DIAPH2: variants seen among roughly 807,000 people sequenced by gnomAD.
DIAPH2 encodes protein diaphanous homolog 2.
In DIAPH2, 35 loss-of-function variants were observed where a neutral mutation model predicts 92.7. That is an observed-to-expected ratio of 0.38 (90% CI 0.29 to 0.50). The LOEUF is 0.50. Ranked by LOEUF, DIAPH2 falls within the 20% of genes least tolerant of loss-of-function variation. The pLI is 0.94. For synonymous variants in DIAPH2, 301 were observed against 280.4 expected (o/e 1.07, Z -0.73); for missense variants, 701 against 819.5 (o/e 0.86, Z 1.77).
intron 24 of DIAPH2, among the ~76,000 whole-genome samples, chrX:97,374,586 T>C (rs186573751): frequency 1.8e-5 from 2 of 112,241 alleles, no homozygotes; most frequent in East Asian, 5.6e-4. Flanking sequence ...AGAAAAAGTT[T>C]AGCAGTATTA....
intron 17 of DIAPH2, among the ~76,000 whole-genome samples, chrX:96,993,682 G>A (rs946726940): frequency 2.8e-4 from 31 of 111,484 alleles, no homozygotes; most frequent in Non-Finnish European, 5.1e-4. Context: ...ATTTGGGTGG[G>A]GACTCAGAAC....
At chrX:97,129,819 A>G (rs921439849) in intron 21 of DIAPH2, among the ~76,000 whole-genome samples, 2 of 111,516 alleles carry the variant, frequency 1.8e-5, no homozygotes, top group Non-Finnish European at 3.8e-5. Context: ...AGTGAAAAAA[A>G]GGCAACCCAC....
At chrX:97,424,915 G>A (rs1217622343) in intron 25 of DIAPH2, among the ~76,000 whole-genome samples, 1 of 111,801 alleles carries the variant, frequency 8.9e-6, no homozygotes, top group African/African-American at 3.3e-5. Context: ...ATGAGCCACT[G>A]CACCCAGCCT....
At chrX:96,915,712 A>AT (rs2065498821) in intron 7 of DIAPH2, among the ~76,000 whole-genome samples, 1 of 112,048 alleles carries the variant, frequency 8.9e-6, no homozygotes, top group Admixed American at 9.4e-5. Context: ...TGCTTTCTTA[A>AT]TGTAATGAAA....
chrX:96,974,424 A>G (rs1042055946), intron 17 of DIAPH2, among the ~76,000 whole-genome samples: 4 of 111,590 alleles, frequency 3.6e-5, no homozygotes, highest in African/African-American at 9.8e-5. Flanking sequence ...AGTAAATATC[A>G]GTAGACTAGG....
chrX:97,453,760 A>G (rs1332774114), intron 26 of DIAPH2, among the ~76,000 whole-genome samples: 1 of 112,047 alleles, frequency 8.9e-6, no homozygotes, highest in Non-Finnish European at 1.9e-5. Flanking sequence ...GGGAACACAG[A>G]TAAGTAAGTA....
rs867621199 is a variant in DIAPH2 at position 97,129,130 on chromosome X, T to C, written c.2590-12535T>C. Reference sequence around the variant, plus strand: ...TCTTTTCTTTTCTTTTCTTTTCTTTTCTTTTCTTTTCTTTTCTTTCTTTTC... The same window carrying C: ...TCTTTTCTTTTCTTTTCTTTTCTTTCCTTTTCTTTTCTTTTCTTTCTTTTC... On this transcript the variant is annotated intron_variant, in intron 21 of 26. Transcript: ENST00000324765. Among the ~76,000 whole-genome samples the C allele has an allele frequency of 1.8e-3, 169 of 91,599 alleles. 1 individual carries two copies. Among genetic ancestry groups the C allele is most frequent in the African/African-American group, 6.8e-3 (154 of 22,546 alleles). The allele number at this position is 91,599 out of a possible 115,157, so 79.5% of individuals were successfully genotyped here. A position where few individuals can be genotyped will look rare whatever the true frequency, so the allele number is the denominator to read the frequency against.
At chrX:96,753,821 T>C (rs1028506341) in intron 3 of DIAPH2, among the ~76,000 whole-genome samples, 10 of 112,214 alleles carry the variant, frequency 8.9e-5, no homozygotes, top group African/African-American at 3.2e-4. Context: ...AACTATTTGA[T>C]CAAAATGTCT....
rs188545025 is a variant in DIAPH2 at position 97,244,080 on chromosome X, G to A, written c.2720-3635G>A. 9.5e-3 allele frequency among the ~76,000 whole-genome samples: 1,061 copies of A among 111,714 alleles called. 20 individuals are homozygous for A. The highest frequency in any genetic ancestry group is 0.033 in the African/African-American group (1,013 of 30,811). On this transcript the variant is annotated intron_variant, in intron 22 of 26. Transcript: ENST00000324765. ...TATTCAAAGCAGAAGGTGATAGGTC[G>A]AAGATCACTTAAACAAACAAAAAGT...
At chrX:97,129,648 A>G (rs770438422) in intron 21 of DIAPH2, among the ~76,000 whole-genome samples, 140 of 111,729 alleles carry the variant, frequency 1.3e-3, no homozygotes, top group African/African-American at 4.5e-3. Context: ...GTGAGAGTAT[A>G]ACTTGCTAAA....
chrX:97,143,866 A>C (rs912806630), intron 22 of DIAPH2, among the ~76,000 whole-genome samples: 1 of 111,925 alleles, frequency 8.9e-6, no homozygotes, highest in African/African-American at 3.2e-5. Context: ...ATGGAACTGG[A>C]GGTAATTAAG....
rs138028008 is a variant in DIAPH2, at chrX:97,481,409, G to T, written c.3241+51664G>T. ...CTAAGAGGAAACATCAGGCCTAAGG[G>T]CATTCCAGCTAAACTGACTTGACAG... On this transcript the variant is annotated intron_variant, in intron 26 of 26. Transcript: ENST00000324765. 2.8e-3 allele frequency among the ~76,000 whole-genome samples: 308 copies of T among 111,427 alleles called. 9 individuals carry two copies. The East Asian group carries it at 0.067, about 24-fold the overall frequency.
At chrX:96,801,159 A>T (rs1425238913) in intron 4 of DIAPH2, among the ~76,000 whole-genome samples, 1 of 112,462 alleles carries the variant, frequency 8.9e-6, no homozygotes, top group Non-Finnish European at 1.9e-5. Context: ...GCTCTTTGTC[A>T]AAACCTCTGC....
At position 97,185,327 on chromosome X, in the gene DIAPH2, G is replaced by GTATATA. The variant is rs1262703134; in HGVS notation, c.2719+43541_2719+43546dup. Among the ~76,000 whole-genome samples, 6 of 3,881 alleles carry GTATATA rather than the reference G, an allele frequency of 1.5e-3. 1 individual carries two copies. Among genetic ancestry groups the GTATATA allele is most frequent in the Admixed American group, 3.9e-3 (1 of 257 alleles). 3.4% of individuals were successfully genotyped at this position (3,881 alleles called of 115,157 possible). On this transcript the variant is annotated intron_variant, in intron 22 of 26. Coordinates refer to ENST00000324765, the MANE Select transcript of DIAPH2 (RefSeq NM_006729.5). ...AAAAAATATATATATATATATATGT[G>GTATATA]TATATATATATATGTATATATATAT...
chrX:96,810,362 G>T (rs2064667847), intron 4 of DIAPH2, among the ~76,000 whole-genome samples: 1 of 111,907 alleles, frequency 8.9e-6, no homozygotes, highest in African/African-American at 3.2e-5. Flanking sequence ...TTTTGATGGG[G>T]TTGTTTGTTT....
At chrX:96,760,746 G>GACTATAAAGGAA (rs1184405602) in intron 4 of DIAPH2, among the ~76,000 whole-genome samples, 1 of 111,087 alleles carries the variant, frequency 9.0e-6, no homozygotes, top group Non-Finnish European at 1.9e-5. Context: ...TGGAAAAGGA[G>GACTATAAAGGAA]ACTATAAAGG....
At chrX:96,944,248 A>G (rs2065724314) in intron 13 of DIAPH2, among the ~76,000 whole-genome samples, 1 of 111,576 alleles carries the variant, frequency 9.0e-6, no homozygotes. Context: ...TTAAATTCTA[A>G]ATCATTACCA....
At chrX:97,324,535 G>A (rs1333315544) in intron 23 of DIAPH2, among the ~76,000 whole-genome samples, 3 of 111,422 alleles carry the variant, frequency 2.7e-5, no homozygotes, top group Non-Finnish European at 3.8e-5. Flanking sequence ...TTTTAATGAC[G>A]GCATCTCAAT....
intron 25 of DIAPH2, among the ~76,000 whole-genome samples, chrX:97,413,627 T>C (rs1448322463): frequency 1.8e-5 from 2 of 111,964 alleles, no homozygotes; most frequent in African/African-American, 3.3e-5. Context: ...TGTTTGCAGA[T>C]GACATGATTG....
Sources: allele counts gnomAD v4.1 joint callset (sites outside exome capture counted in the v4.1 genomes callset), GRCh38; gene constraint gnomAD v4.1.1; transcripts MANE v1.5; gene names NCBI Gene and HGNC (gene_info 2026-07-23, HGNC 2026-07-21).